Variants in DIS3L2 observed in about 807,000 individuals in gnomAD.
The protein encoded by DIS3L2 is DIS3-like exonuclease 2.
Under a neutral mutation model 97.5 loss-of-function variants are expected in DIS3L2, and 34 were observed. The observed-to-expected ratio is 0.35, with a 90% CI of 0.27 to 0.46. DIS3L2 has a LOEUF of 0.46. Among genes scored for constraint, DIS3L2 ranks in the 20% least tolerant of loss-of-function variants. The probability of loss-of-function intolerance (pLI) is 1.00; values close to 1 mark genes in which losing one functional copy is unlikely to be tolerated. For synonymous variants in DIS3L2, 435 were observed against 445.2 expected (o/e 0.98, Z 0.29); for missense variants, 1,038 against 1,146.0 (o/e 0.91, Z 1.36).
At chr2:232,077,945 T>C (rs371012364) in intron 5 of DIS3L2, among the ~76,000 whole-genome samples, 5 of 148,124 alleles carry the variant, frequency 3.4e-5, no homozygotes, top group Admixed American at 6.7e-5. Flanking sequence ...TTCTTTCTTT[T>C]TCTTTCTTTC....
At position 232,329,817 on chromosome 2, in the gene DIS3L2, G is replaced by T; in HGVS notation, c.1744G>T (p.Val582Leu). The change falls in exon 15 of 21, where the codon GTG becomes TTG. Residue 582 changes from valine to leucine, a missense_variant. This residue lies in a region of DIS3L2 where 813 missense variants were observed against 880.1 expected (regional missense o/e 0.92). Coordinates refer to ENST00000325385, the MANE Select transcript of DIS3L2 (RefSeq NM_152383.5). ...CATCCCACCCACCCTCTGCAGGCTC[G>T]TGGAGGAGTTCATGCTCTTGGCCAA... ...IYEYRESNKL[V>L]EEFMLLANMA... The T allele has an allele frequency of 1.1e-6, 1 of 904,678 alleles. No individual in the cohort carries two copies. Among genetic ancestry groups the T allele is most frequent in the South Asian group, 1.6e-5 (1 of 63,140 alleles). 56.0% of individuals were successfully genotyped at this position (904,678 alleles called of 1,614,324 possible). A position where few individuals can be genotyped will look rare whatever the true frequency, so the allele number is the denominator to read the frequency against.
intron 6 of DIS3L2, among the ~76,000 whole-genome samples, chr2:232,122,458 T>C (rs1697934680): frequency 6.6e-6 from 1 of 152,234 alleles, no homozygotes; most frequent in Non-Finnish European, 1.5e-5. Flanking sequence ...GGCTCACGCC[T>C]GTAATCCCAG....
At chr2:232,239,220 A>G (rs1693014744) in intron 11 of DIS3L2, among the ~76,000 whole-genome samples, 2 of 152,196 alleles carry the variant, frequency 1.3e-5, no homozygotes, top group Non-Finnish European at 1.5e-5. Context: ...CCCTAGACTC[A>G]TCTGTGAAAT....
chr2:231,966,983 T>C (rs979295752), intron 1 of DIS3L2, among the ~76,000 whole-genome samples: 1 of 152,194 alleles, frequency 6.6e-6, no homozygotes, highest in Admixed American at 6.5e-5. Flanking sequence ...GAGGCAAGAC[T>C]TGATGAAGTT....
intron 1 of DIS3L2, among the ~76,000 whole-genome samples, chr2:232,010,628 C>T (rs1452400479): frequency 2.0e-5 from 3 of 151,776 alleles, no homozygotes. Context: ...GACTTTATCT[C>T]TTTGAGTTTC....
chr2:232,243,947 A>G (rs1264712437), intron 11 of DIS3L2, among the ~76,000 whole-genome samples: 1 of 152,160 alleles, frequency 6.6e-6, no homozygotes, highest in East Asian at 1.9e-4. Context: ...GACATGCAAA[A>G]GTCCATTTAC....
At chr2:232,296,779 G>A (rs1694735699) in intron 13 of DIS3L2, among the ~76,000 whole-genome samples, 1 of 152,162 alleles carries the variant, frequency 6.6e-6, no homozygotes, top group Non-Finnish European at 1.5e-5. Flanking sequence ...TATTAGCAGT[G>A]TGAGAACAGA....
At chr2:232,175,440 C>T (rs902314053) in intron 9 of DIS3L2, among the ~76,000 whole-genome samples, 4 of 152,006 alleles carry the variant, frequency 2.6e-5, no homozygotes, top group Non-Finnish European at 4.4e-5. Context: ...ATCTTTGCTT[C>T]GTATTTTTAA....
chr2:231,972,425 A>G (rs1692946425), intron 1 of DIS3L2, among the ~76,000 whole-genome samples: 2 of 152,210 alleles, frequency 1.3e-5, no homozygotes, highest in African/African-American at 4.8e-5. Context: ...GGATGGCTGT[A>G]CTGTCACCAG....
chr2:232,273,615 G>A (rs1470848203), intron 13 of DIS3L2, among the ~76,000 whole-genome samples: 1 of 152,198 alleles, frequency 6.6e-6, no homozygotes, highest in Non-Finnish European at 1.5e-5. Context: ...GCCTGAACAG[G>A]TGTGAGGAGC....
intron 9 of DIS3L2, among the ~76,000 whole-genome samples, chr2:232,202,639 G>A (rs1318285009): frequency 2.6e-5 from 4 of 152,212 alleles, no homozygotes; most frequent in Non-Finnish European, 4.4e-5. Flanking sequence ...CCAGTGAAAA[G>A]GGCCTGCCCA....
rs544439803 is a variant in DIS3L2 at position 232,275,446 on chromosome 2, C to T, written c.1659+12006C>T. ...AGCTGTTCACAGTGATCTGATGTCA[C>T]CTCTGAGGTCCATGGGTGCCCAGGG... On this transcript the variant is annotated intron_variant, in intron 13 of 20. Coordinates refer to ENST00000325385, the MANE Select transcript of DIS3L2 (RefSeq NM_152383.5). Among the ~76,000 whole-genome samples the T allele has an allele frequency of 2.0e-5, 3 of 152,164 alleles. No homozygotes were observed. In the South Asian group the frequency reaches 6.2e-4, roughly 32 times the overall value.
intron 12 of DIS3L2, among the ~76,000 whole-genome samples, chr2:232,255,694 A>G (rs1287468503): frequency 6.6e-6 from 1 of 152,178 alleles, no homozygotes; most frequent in Non-Finnish European, 1.5e-5. Flanking sequence ...TCAGAATAAT[A>G]AAAGAAGGGT....
intron 14 of DIS3L2, among the ~76,000 whole-genome samples, chr2:232,321,815 G>A (rs1453547833): frequency 6.6e-6 from 1 of 152,166 alleles, no homozygotes; most frequent in Admixed American, 6.5e-5. Flanking sequence ...AGGGGGGCCT[G>A]GAAACAAGGC....
At chr2:232,334,966 C>T (rs1695892365) in intron 19 of DIS3L2, 2 of 542,172 alleles carry the variant, frequency 3.7e-6, no homozygotes, top group Non-Finnish European at 3.3e-6. Flanking sequence ...AGAGAGCAGG[C>T]CCCTCCATGG....
At chr2:232,085,420 A>C (rs1696545314) in intron 5 of DIS3L2, among the ~76,000 whole-genome samples, 1 of 152,222 alleles carries the variant, frequency 6.6e-6, no homozygotes, top group African/African-American at 2.4e-5. Flanking sequence ...AGGACTCATG[A>C]CGGTGCCTGG....
intron 9 of DIS3L2, among the ~76,000 whole-genome samples, chr2:232,191,910 T>C (rs1691626984): frequency 6.6e-6 from 1 of 152,314 alleles, no homozygotes; most frequent in East Asian, 1.9e-4. Context: ...AAATATTAAG[T>C]CGCTACTCTA....
chr2:232,116,666 C>G (rs1378605178), intron 6 of DIS3L2, among the ~76,000 whole-genome samples: 2 of 152,124 alleles, frequency 1.3e-5, no homozygotes, highest in Admixed American at 6.5e-5. Flanking sequence ...AGCCTATTGG[C>G]TAAAAACTGG....
At chr2:232,238,886 G>A (rs1194177797) in intron 11 of DIS3L2, among the ~76,000 whole-genome samples, 2 of 152,138 alleles carry the variant, frequency 1.3e-5, no homozygotes, top group Admixed American at 6.5e-5. Context: ...AGCAGGGCTC[G>A]GCAAACTCAG....
Sources: gnomAD v4.1 joint callset for allele counts (sites outside exome capture counted in the v4.1 genomes callset) on GRCh38, gnomAD v4.1.1 for gene constraint, gnomAD v4.1.1 regional missense constraint, MANE v1.5 for transcripts, NCBI Gene and HGNC (gene_info 2026-07-23, HGNC 2026-07-21) for gene names.